NKAIN3: variants seen among roughly 807,000 people sequenced by gnomAD.
NKAIN3 encodes sodium/potassium-transporting ATPase subunit beta-1-interacting protein 3.
Under a neutral mutation model 30.2 loss-of-function variants are expected in NKAIN3, and 25 were observed. That is an observed-to-expected ratio of 0.83 (90% CI 0.60 to 1.16). The LOEUF is 1.16. Ranked by LOEUF, NKAIN3 falls within the 50% of genes most tolerant of loss-of-function variation. The probability of loss-of-function intolerance (pLI) is 0.00; values close to 1 mark genes in which losing one functional copy is unlikely to be tolerated. For synonymous variants in NKAIN3, 91 were observed against 89.6 expected (o/e 1.02, Z -0.09); for missense variants, 225 against 254.1 (o/e 0.89, Z 0.78).
At chr8:62,642,383 T>A (rs575870095) in intron 3 of NKAIN3, among the ~76,000 whole-genome samples, 1 of 152,158 alleles carries the variant, frequency 6.6e-6, no homozygotes, top group Non-Finnish European at 1.5e-5. Context: ...ATATTTATTA[T>A]CATAACACAT....
At chr8:62,410,835 A>G (rs1342902977) in intron 1 of NKAIN3, among the ~76,000 whole-genome samples, 2 of 152,118 alleles carry the variant, frequency 1.3e-5, no homozygotes, top group African/African-American at 4.8e-5. Context: ...CCATGAATAG[A>G]CCAATATCAA....
At chr8:62,796,789 T>TACACACACACACACACACAC (rs144656283) in intron 4 of NKAIN3, among the ~76,000 whole-genome samples, 3,548 of 146,082 alleles carry the variant, frequency 0.024, 57 homozygotes, top group Admixed American at 0.036. Context: ...GTATCACACA[T>TACACACACACACACACACAC]ACACACACAC....
intron 6 of NKAIN3, among the ~76,000 whole-genome samples, chr8:62,957,761 T>A (rs1823463529): frequency 6.6e-6 from 1 of 152,190 alleles, no homozygotes. Context: ...GTAGAACTAC[T>A]CTGTATGACA....
Position 62,950,000 on chromosome 8 carries a change from T to C in NKAIN3, c.533-3902T>C, listed in dbSNP as rs370724137. Reference sequence around the variant, plus strand: ...TTGAAATTCACACCCTGATTTCCACTGAAGAAAGTACTTAATTCAGCATCT... The same window carrying C: ...TTGAAATTCACACCCTGATTTCCACCGAAGAAAGTACTTAATTCAGCATCT... On this transcript the variant is annotated intron_variant, in intron 5 of 6. Transcript: ENST00000623646. Among the ~76,000 whole-genome samples the C allele has an allele frequency of 9.2e-5, 14 of 152,340 alleles. No individual in the cohort carries two copies. The South Asian group carries it at 1.4e-3, about 16-fold the overall frequency.
intron 1 of NKAIN3, among the ~76,000 whole-genome samples, chr8:62,311,508 C>G (rs16928689): frequency 0.24 from 36,092 of 150,270 alleles, 5,252 homozygotes; most frequent in East Asian, 0.4. Flanking sequence ...CTGTCTGACT[C>G]GAAACTCCAC....
Position 62,972,542 on chromosome 8 carries a change from T to C in NKAIN3, c.*7135T>C, listed in dbSNP as rs1823856657. Among the ~76,000 whole-genome samples the C allele has an allele frequency of 6.6e-6, 1 of 152,190 alleles. No homozygotes were observed. The highest frequency in any genetic ancestry group is 1.5e-5 in the Non-Finnish European group (1 of 68,036). ...TTTGTCTCTCTCTGAATCAAGTTCG[T>C]CGTCTATTTACGTGCTTCTCAGTTG... On this transcript the variant is annotated 3_prime_UTR_variant, in exon 7 of 7. Coordinates refer to ENST00000623646, the MANE Select transcript of NKAIN3 (RefSeq NM_001304533.3).
At chr8:62,473,019 C>T (rs977291222) in intron 1 of NKAIN3, among the ~76,000 whole-genome samples, 8 of 152,176 alleles carry the variant, frequency 5.3e-5, no homozygotes, top group East Asian at 3.9e-4. Context: ...TTCCAGTGGT[C>T]GATTTTGAAG....
intron 1 of NKAIN3, among the ~76,000 whole-genome samples, chr8:62,332,388 C>A (rs1441212916): frequency 2.6e-5 from 4 of 152,096 alleles, no homozygotes; most frequent in Non-Finnish European, 5.9e-5. Context: ...GAGCATAAAT[C>A]TAAATTTCAA....
intron 4 of NKAIN3, among the ~76,000 whole-genome samples, chr8:62,825,168 A>G (rs60802133): frequency 0.014 from 2,098 of 152,330 alleles, 48 homozygotes; most frequent in African/African-American, 0.049. Context: ...GTCTTAAAAA[A>G]AGTTTAAGGA....
At chr8:62,870,856 G>C (rs1820619690) in intron 4 of NKAIN3, among the ~76,000 whole-genome samples, 1 of 135,306 alleles carries the variant, frequency 7.4e-6, no homozygotes, top group African/African-American at 2.9e-5. Flanking sequence ...GTGCATTAGA[G>C]ATGAGAAAGA....
chr8:62,648,097 A>C (rs907666119), intron 3 of NKAIN3, among the ~76,000 whole-genome samples: 1 of 152,150 alleles, frequency 6.6e-6, no homozygotes, highest in East Asian at 1.9e-4. Context: ...TGCAGTCACT[A>C]AGAAAAACAT....
chr8:62,733,351 T>C (rs577309788), intron 3 of NKAIN3, among the ~76,000 whole-genome samples: 12 of 152,316 alleles, frequency 7.9e-5, no homozygotes, highest in Non-Finnish European at 1.5e-4. Flanking sequence ...GGAAGTTCCA[T>C]TGGTGGTAAA....
chr8:62,719,948 G>A (rs945550104), intron 3 of NKAIN3, among the ~76,000 whole-genome samples: 2 of 151,756 alleles, frequency 1.3e-5, no homozygotes, highest in Middle Eastern at 3.2e-3. Context: ...CAGTAGAGAC[G>A]AGGTTTCACC....
intron 4 of NKAIN3, among the ~76,000 whole-genome samples, chr8:62,781,113 A>G (rs750714988): frequency 2.6e-5 from 4 of 152,096 alleles, no homozygotes; most frequent in African/African-American, 9.6e-5. Flanking sequence ...CATAAAAATC[A>G]GTAGCATTTA....
chr8:62,459,257 G>T (rs758512229), intron 1 of NKAIN3, among the ~76,000 whole-genome samples: 1 of 152,124 alleles, frequency 6.6e-6, no homozygotes, highest in Non-Finnish European at 1.5e-5. Flanking sequence ...CTCGGAGATC[G>T]AGGACATTCC....
intron 1 of NKAIN3, among the ~76,000 whole-genome samples, chr8:62,439,075 T>C (rs539703950): frequency 6.6e-6 from 1 of 152,294 alleles, no homozygotes; most frequent in South Asian, 2.1e-4. Flanking sequence ...TAGGCCAAGC[T>C]AAAGATGTTA....
At chr8:62,306,964 A>G (rs1814266373) in intron 1 of NKAIN3, among the ~76,000 whole-genome samples, 1 of 150,274 alleles carries the variant, frequency 6.7e-6, no homozygotes, top group South Asian at 2.1e-4. Context: ...ATTTCTCAGT[A>G]TACATTGGAA....
chr8:62,516,895 C>A (rs185243946), intron 1 of NKAIN3, among the ~76,000 whole-genome samples: 6 of 152,158 alleles, frequency 3.9e-5, no homozygotes, highest in Admixed American at 3.3e-4. Context: ...TGCATTTGAT[C>A]TCCACCCCGC....
intron 1 of NKAIN3, among the ~76,000 whole-genome samples, chr8:62,374,406 T>A (rs1817011071): frequency 6.6e-6 from 1 of 152,228 alleles, no homozygotes; most frequent in African/African-American, 2.4e-5. Context: ...CAAATGAAGT[T>A]CAAATTATGC....
Sources: gnomAD v4.1 joint callset for allele counts (sites outside exome capture counted in the v4.1 genomes callset) on GRCh38, gnomAD v4.1.1 for gene constraint, MANE v1.5 for transcripts, NCBI Gene and HGNC (gene_info 2026-07-23, HGNC 2026-07-21) for gene names.